Variants in LCOR observed in about 807,000 individuals in gnomAD.
LCOR encodes the protein ligand dependent nuclear receptor corepressor.
LCOR carries 14 observed loss-of-function variants against 64.4 expected under a neutral mutation model. The ratio of observed to expected loss-of-function variants is 0.22; its 90% CI spans 0.14 to 0.34. LCOR has a LOEUF of 0.34. Among genes scored for constraint, LCOR ranks in the 10% least tolerant of loss-of-function variants. The pLI is 1.00. For synonymous variants in LCOR, 643 were observed against 642.5 expected, an observed-to-expected ratio of 1.00 and a Z score of -0.01; for missense variants, 1,686 against 1,765.3, an observed-to-expected ratio of 0.96 and a Z score of 0.80.
At chr10:96,936,849 C>A (rs1305019674) in intron 4 of LCOR, among the ~76,000 whole-genome samples, 2 of 152,082 alleles carry the variant, frequency 1.3e-5, no homozygotes, top group Admixed American at 6.5e-5. Context: ...TTTTCCTGTA[C>A]ACACATACCT....
chr10:96,943,389 G>A (rs1474155354), intron 4 of LCOR, among the ~76,000 whole-genome samples: 8 of 152,274 alleles, frequency 5.3e-5, no homozygotes, highest in African/African-American at 1.9e-4. Context: ...GAGCCACCTC[G>A]CCTGGTCAGA....
chr10:96,970,412 A>G (rs1847988537), intron 7 of LCOR, among the ~76,000 whole-genome samples: 2 of 151,794 alleles, frequency 1.3e-5, no homozygotes, highest in Admixed American at 6.6e-5. Flanking sequence ...ATAAATAAAT[A>G]AGAGTAAAAA....
At chr10:96,868,815 G>C (rs1487650983) in intron 2 of LCOR, among the ~76,000 whole-genome samples, 1 of 152,174 alleles carries the variant, frequency 6.6e-6, no homozygotes, top group Non-Finnish European at 1.5e-5. Flanking sequence ...ACCGTCATCT[G>C]TCTTGTTTAG....
intron 2 of LCOR, among the ~76,000 whole-genome samples, chr10:96,846,791 T>A (rs1489022687): frequency 6.6e-6 from 1 of 152,150 alleles, no homozygotes; most frequent in Non-Finnish European, 1.5e-5. Context: ...GACCCATGGC[T>A]TATGGCTGCA....
intron 4 of LCOR, among the ~76,000 whole-genome samples, chr10:96,938,522 A>G (rs1847391883): frequency 6.6e-6 from 1 of 152,100 alleles, no homozygotes; most frequent in South Asian, 2.1e-4. Context: ...GTTGTACATG[A>G]GGTTCTAGCC....
At chr10:96,943,328 C>T (rs977775707) in intron 4 of LCOR, among the ~76,000 whole-genome samples, 1 of 152,192 alleles carries the variant, frequency 6.6e-6, no homozygotes, top group African/African-American at 2.4e-5. Context: ...AACTCCTCAC[C>T]TCAAGTGATC....
intron 2 of LCOR, among the ~76,000 whole-genome samples, chr10:96,865,456 A>C (rs928880618): frequency 1.1e-4 from 17 of 152,202 alleles, no homozygotes; most frequent in Admixed American, 2.0e-4. Context: ...GTCAGTTTCT[A>C]TCTCTCTCTT....
chr10:96,868,725 T>G (rs898425817), intron 2 of LCOR, among the ~76,000 whole-genome samples: 2 of 152,228 alleles, frequency 1.3e-5, no homozygotes, highest in African/African-American at 2.4e-5. Flanking sequence ...CATAGCACTT[T>G]TAATGATTTT....
intron 4 of LCOR, among the ~76,000 whole-genome samples, chr10:96,930,480 G>A (rs111434335): frequency 1.3e-3 from 195 of 152,264 alleles, no homozygotes; most frequent in Non-Finnish European, 2.0e-3. Flanking sequence ...GAATTGCCAC[G>A]TCAGTAGTGG....
intron 2 of LCOR, among the ~76,000 whole-genome samples, chr10:96,900,682 G>A (rs187397230): frequency 8.3e-4 from 126 of 152,106 alleles, no homozygotes; most frequent in African/African-American, 2.9e-3. Context: ...CCCTTTTCAG[G>A]AGATCATTAT....
intron 7 of LCOR, among the ~76,000 whole-genome samples, chr10:96,964,964 T>C (rs1307515226): frequency 6.6e-6 from 1 of 152,134 alleles, no homozygotes; most frequent in African/African-American, 2.4e-5. Flanking sequence ...TAATTCCTTT[T>C]ACCAGAACAC....
At chr10:96,928,090 G>A (rs1847198797) in intron 4 of LCOR, among the ~76,000 whole-genome samples, 1 of 152,144 alleles carries the variant, frequency 6.6e-6, no homozygotes. Flanking sequence ...TGATCAAGTT[G>A]GTGGTTGCTG....
chr10:96,882,834 G>A (rs1040240370), intron 2 of LCOR, among the ~76,000 whole-genome samples: 5 of 151,998 alleles, frequency 3.3e-5, no homozygotes, highest in African/African-American at 1.2e-4. Context: ...ATAGTATGTA[G>A]CCTTTTCAGC....
Position 96,985,319 on chromosome 10 carries a change from A to C in LCOR, c.*185A>C. 1 of 639,474 alleles carries C rather than the reference A, an allele frequency of 1.6e-6. No homozygotes were observed. Among genetic ancestry groups the C allele is most frequent in the Non-Finnish European group, 2.4e-6 (1 of 411,330 alleles). The allele number at this position is 639,474 out of a possible 1,614,324, so 39.6% of individuals were successfully genotyped here. A position where few individuals can be genotyped will look rare whatever the true frequency, so the allele number is the denominator to read the frequency against. Reference sequence around the variant, plus strand: ...AGGGAACTTGCAGAGTCCTTCTCTGAGGCTAAGGGAAGTTATATATTATAT... The same window carrying C: ...AGGGAACTTGCAGAGTCCTTCTCTGCGGCTAAGGGAAGTTATATATTATAT... On this transcript the variant is annotated 3_prime_UTR_variant, in exon 8 of 8. Transcript: ENST00000421806.
At chr10:96,871,569 C>T (rs527757097) in intron 2 of LCOR, among the ~76,000 whole-genome samples, 296 of 149,396 alleles carry the variant, frequency 2.0e-3, no homozygotes, top group Middle Eastern at 3.4e-3. Context: ...TGAGCCACCA[C>T]GCCTGGCTAA....
chr10:96,832,576 G>C (rs1348352986), intron 1 of LCOR, among the ~76,000 whole-genome samples, 177 bp downstream of exon 1: 1 of 145,320 alleles, frequency 6.9e-6, no homozygotes, highest in African/African-American at 2.5e-5. Context: ...CTCCAGGCGG[G>C]CTCCCCTGCT....
chr10:96,833,473 C>A lies in LCOR; in HGVS notation c.-336C>A. 1 of 985,914 alleles carries A rather than the reference C, an allele frequency of 1.0e-6. No homozygotes were observed. Among genetic ancestry groups the A allele is most frequent in the Non-Finnish European group, 1.2e-6 (1 of 829,948 alleles). The allele number at this position is 985,914 out of a possible 1,614,324, so 61.1% of individuals were successfully genotyped here. ...CTTAACTCATATATTTAACCCCCCT[C>A]CAAAAAGTAAGTGGCCCGTGTGGTG... On this transcript the variant is annotated 5_prime_UTR_variant, in exon 2 of 8. Coordinates refer to ENST00000421806, the MANE Select transcript of LCOR (RefSeq NM_001346516.2).
rs369686918 is a variant in LCOR at position 96,984,960 on chromosome 10, C to G, written c.4500C>G (p.Ala1500=). ...CGAAACCTGCAAAACAGAAGGGGGC[C>G]GGTGAATCCTCTTCAAGGCCTCAGA... ...TLTKPAKQKG[A]GESSSRPQKA... is the part of the protein sequence containing the mutation. The change falls in exon 8 of 8, where the codon GCC becomes GCG. Residue 1500 remains alanine, a synonymous_variant. Coordinates refer to ENST00000421806, the MANE Select transcript of LCOR (RefSeq NM_001346516.2). 2.5e-6 allele frequency: 4 copies of G among 1,614,132 alleles called. No homozygotes were observed. The highest frequency in any genetic ancestry group is 1.7e-5 in the Admixed American group (1 of 60,022).
chr10:96,932,736 A>G (rs892792772), intron 4 of LCOR, among the ~76,000 whole-genome samples: 1 of 152,212 alleles, frequency 6.6e-6, no homozygotes, highest in Non-Finnish European at 1.5e-5. Context: ...TGCTGGGATT[A>G]CAGGCATGAG....
Sources: allele counts gnomAD v4.1 joint callset (sites outside exome capture counted in the v4.1 genomes callset), GRCh38; gene constraint gnomAD v4.1.1; transcripts MANE v1.5; gene names NCBI Gene and HGNC (gene_info 2026-07-23, HGNC 2026-07-21).